Variants in SLC16A7 observed in about 807,000 individuals in gnomAD.
The protein encoded by SLC16A7 is monocarboxylate transporter 2.
SLC16A7 carries 33 observed loss-of-function variants against 34.9 expected under a neutral mutation model. The ratio of observed to expected loss-of-function variants is 0.94; its 90% CI spans 0.72 to 1.26. SLC16A7 has a LOEUF of 1.26. Among genes scored for constraint, SLC16A7 ranks in the 50% most tolerant of loss-of-function variants. The pLI is 0.00. For synonymous variants in SLC16A7, 201 were observed against 206.6 expected, an observed-to-expected ratio of 0.97 and a Z score of 0.23; for missense variants, 573 against 578.1, an observed-to-expected ratio of 0.99 and a Z score of 0.09.
intron 3 of SLC16A7, among the ~76,000 whole-genome samples, chr12:59,728,291 A>G (rs919598495): frequency 3.3e-5 from 5 of 152,150 alleles, no homozygotes; most frequent in African/African-American, 1.2e-4. Context: ...TCTGAGTTCA[A>G]ACACTTCCTT....
Position 59,779,918 on chromosome 12 carries a change from C to T in SLC16A7, c.*239C>T. 1 of 375,756 alleles carries T rather than the reference C, an allele frequency of 2.7e-6. No individual in the cohort carries two copies. The highest frequency in any genetic ancestry group is 3.6e-5 in the South Asian group (1 of 27,688). The allele number at this position is 375,756 out of a possible 1,614,324, so 23.3% of individuals were successfully genotyped here. On this transcript the variant is annotated 3_prime_UTR_variant, in exon 6 of 6. Coordinates refer to ENST00000547379, the MANE Select transcript of SLC16A7 (RefSeq NM_001270623.2). ...CCATGCTATAGGTTTATTTCCATAC[C>T]TGACTCTGGGTGTGGTGGTTAAAAT...
intron 3 of SLC16A7, chr12:59,761,068 C>A: frequency 1.4e-6 from 1 of 735,994 alleles, no homozygotes; most frequent in Non-Finnish European, 2.0e-6. Flanking sequence ...AAAATCACGT[C>A]TTGACAATAT....
intron 3 of SLC16A7, among the ~76,000 whole-genome samples, chr12:59,725,514 AG>A (rs1876126281): frequency 6.6e-6 from 1 of 152,128 alleles, no homozygotes; most frequent in African/African-American, 2.4e-5. Flanking sequence ...TTCTTTCATT[AG>A]AAATAACTTT....
chr12:59,644,916 G>T (rs1183085679), intron 1 of SLC16A7, among the ~76,000 whole-genome samples: 1 of 152,154 alleles, frequency 6.6e-6, no homozygotes, highest in Non-Finnish European at 1.5e-5. Context: ...CATGAAGTAA[G>T]TAAAAATGTA....
At chr12:59,690,929 T>C (rs1297170903) in intron 2 of SLC16A7, among the ~76,000 whole-genome samples, 1 of 151,720 alleles carries the variant, frequency 6.6e-6, no homozygotes, top group African/African-American at 2.4e-5. Context: ...GAGAAAATCA[T>C]TAGAAAAAAA....
intron 3 of SLC16A7, among the ~76,000 whole-genome samples, chr12:59,732,908 T>A (rs1203407466): frequency 6.6e-6 from 1 of 152,166 alleles, no homozygotes; most frequent in Admixed American, 6.5e-5. Context: ...TTAAATGTCT[T>A]TATGGGAAGA....
At chr12:59,779,387 A>T in intron 5 of SLC16A7, 36 bp from the exon 6 acceptor site, 1 of 1,495,636 alleles carries the variant, frequency 6.7e-7, no homozygotes, top group Non-Finnish European at 9.1e-7. Context: ...TGACTGTTTT[A>T]TTATGCCAAC....
intron 2 of SLC16A7, among the ~76,000 whole-genome samples, chr12:59,681,039 C>T (rs1250337899): frequency 6.6e-6 from 1 of 152,304 alleles, no homozygotes; most frequent in East Asian, 1.9e-4. Flanking sequence ...TCCTCTAGTG[C>T]TTCCAAAGTA....
intron 3 of SLC16A7, among the ~76,000 whole-genome samples, chr12:59,766,693 G>T (rs899631597): frequency 2.6e-5 from 4 of 152,162 alleles, no homozygotes; most frequent in African/African-American, 9.7e-5. Context: ...ACTTGATCAT[G>T]GTGGATAAGC....
chr12:59,685,297 T>G (rs1005146202), intron 2 of SLC16A7, among the ~76,000 whole-genome samples: 1 of 152,188 alleles, frequency 6.6e-6, no homozygotes, highest in Non-Finnish European at 1.5e-5. Context: ...AAGTTGTAAA[T>G]TCTGTGATTT....
chr12:59,616,359 CA>C (rs1453072248), intron 1 of SLC16A7, among the ~76,000 whole-genome samples: 25 of 152,144 alleles, frequency 1.6e-4, no homozygotes, highest in African/African-American at 5.5e-4. Flanking sequence ...AGAATGATAA[CA>C]ATTAAAAAAT....
chr12:59,605,460 G>T (rs997635910), intron 1 of SLC16A7, among the ~76,000 whole-genome samples: 1 of 152,068 alleles, frequency 6.6e-6, no homozygotes, highest in Non-Finnish European at 1.5e-5. Context: ...AACAGAGTAG[G>T]GTCTGGAGAA....
intron 2 of SLC16A7, among the ~76,000 whole-genome samples, chr12:59,657,670 TC>T (rs1348987699): frequency 1.3e-5 from 2 of 151,942 alleles, no homozygotes; most frequent in Admixed American, 1.3e-4. Context: ...ATTTGATCAG[TC>T]TTTTAGGCCT....
intron 2 of SLC16A7, among the ~76,000 whole-genome samples, chr12:59,662,359 T>C (rs1449463976): frequency 6.6e-6 from 1 of 152,108 alleles, no homozygotes; most frequent in East Asian, 1.9e-4. Context: ...AATAACCTAT[T>C]CCAAGGGCAC....
intron 3 of SLC16A7, among the ~76,000 whole-genome samples, chr12:59,754,164 A>T (rs1301316912): frequency 6.6e-6 from 1 of 152,226 alleles, no homozygotes; most frequent in Non-Finnish European, 1.5e-5. Context: ...GGAAAGATCA[A>T]AAATTGACAC....
chr12:59,786,047 A>AGGG lies in SLC16A7; in HGVS notation c.*6372_*6374dup, dbSNP rs533497811. On this transcript the variant is annotated 3_prime_UTR_variant, in exon 6 of 6. Coordinates refer to ENST00000547379, the MANE Select transcript of SLC16A7 (RefSeq NM_001270623.2). Reference sequence around the variant, plus strand: ...CTGGGGACTGTGGTGGGGTCGGGGGAGGGGGGAGGGATAGCATTGGGAGAT... The same window carrying AGGG: ...CTGGGGACTGTGGTGGGGTCGGGGGAGGGGGGGGGAGGGATAGCATTGGGAGAT... 1.7e-5 allele frequency: 1 copy of AGGG among 58,000 alleles called. No individual in the cohort carries two copies. The highest frequency in any genetic ancestry group is 3.4e-5 in the Non-Finnish European group (1 of 29,596). 3.6% of individuals were successfully genotyped at this position (58,000 alleles called of 1,614,324 possible). A position where few individuals can be genotyped will look rare whatever the true frequency, so the allele number is the denominator to read the frequency against.
chr12:59,690,640 T>A (rs983165903), intron 2 of SLC16A7, among the ~76,000 whole-genome samples: 7 of 152,002 alleles, frequency 4.6e-5, no homozygotes, highest in African/African-American at 1.7e-4. Flanking sequence ...AAGTCTCTAG[T>A]TATTTAGTTG....
chr12:59,728,746 A>G (rs564173560), intron 3 of SLC16A7, among the ~76,000 whole-genome samples: 4 of 152,286 alleles, frequency 2.6e-5, no homozygotes, highest in East Asian at 1.9e-4. Context: ...ATAAGAAACT[A>G]TCATCAAGCA....
intron 3 of SLC16A7, among the ~76,000 whole-genome samples, chr12:59,750,364 T>C (rs1879379340): frequency 6.6e-6 from 1 of 151,788 alleles, no homozygotes; most frequent in African/African-American, 2.4e-5. Context: ...TAAACAAATT[T>C]ACAAGAAAAA....
Sources: allele counts gnomAD v4.1 joint callset (sites outside exome capture counted in the v4.1 genomes callset), GRCh38; gene constraint gnomAD v4.1.1; transcripts MANE v1.5; gene names NCBI Gene and HGNC (gene_info 2026-07-23, HGNC 2026-07-21).